PTPRT: variants seen among roughly 807,000 people sequenced by gnomAD.
PTPRT encodes protein tyrosine phosphatase receptor type T, also known as receptor-type tyrosine-protein phosphatase T.
Under a neutral mutation model 176.8 loss-of-function variants are expected in PTPRT, and 56 were observed. The observed-to-expected ratio is 0.32, with a 90% confidence interval of 0.26 to 0.40. The LOEUF (loss-of-function observed/expected upper bound fraction) is 0.40, where lower values mean the gene tolerates loss of function less well. Among genes scored for constraint, PTPRT ranks in the 10% least tolerant of loss-of-function variants. The probability of loss-of-function intolerance (pLI) is 1.00; values close to 1 mark genes in which losing one functional copy is unlikely to be tolerated. For missense variants in PTPRT, 1,540 were observed against 1,908.2 expected (o/e 0.81, Z 3.60); for synonymous variants, 783 against 739.0 (o/e 1.06, Z -0.96).
In PTPRT at chr20:42,161,330, TCC is replaced by T; in HGVS notation, c.2682+20_2682+21del. The T allele has an allele frequency of 6.2e-7, 1 of 1,613,696 alleles. No homozygotes were observed. The highest frequency in any genetic ancestry group is 8.5e-7 in the Non-Finnish European group (1 of 1,179,680). ...AAGCCTCTGAAACTATCAGGAAGTT[TCC>T]CCACAGGCTGGTCTCTTACCTCGTA... On this transcript the variant is annotated intron_variant, in intron 17 of 30. Coordinates refer to ENST00000373187, the MANE Select transcript of PTPRT (RefSeq NM_007050.6).
intron 9 of PTPRT, among the ~76,000 whole-genome samples, chr20:42,367,376 G>C (rs1414406047): frequency 6.6e-6 from 1 of 152,182 alleles, no homozygotes; most frequent in African/African-American, 2.4e-5. Flanking sequence ...GGAAACCACA[G>C]ACTCATTCAT....
intron 22 of PTPRT, among the ~76,000 whole-genome samples, chr20:42,110,896 T>C (rs2146295065): frequency 6.6e-6 from 1 of 152,336 alleles, no homozygotes. Flanking sequence ...TCCAGTGGAA[T>C]CTGAGGCGTT....
At chr20:42,545,485 C>A (rs2072658647) in intron 7 of PTPRT, among the ~76,000 whole-genome samples, 1 of 152,016 alleles carries the variant, frequency 6.6e-6, no homozygotes, top group Admixed American at 6.6e-5. Context: ...TCTTTTTTTC[C>A]CAGGTACCAT....
At chr20:42,356,211 G>A (rs1325790333) in intron 9 of PTPRT, among the ~76,000 whole-genome samples, 1 of 152,094 alleles carries the variant, frequency 6.6e-6, no homozygotes, top group Non-Finnish European at 1.5e-5. Flanking sequence ...TTATAAGCGG[G>A]GAAAACGGAA....
chr20:42,646,429 A>G (rs2074901468), intron 7 of PTPRT, among the ~76,000 whole-genome samples: 2 of 152,166 alleles, frequency 1.3e-5, no homozygotes, highest in South Asian at 4.1e-4. Flanking sequence ...TTATTGCAAC[A>G]GAGGTCGTCT....
At chr20:42,145,055 T>C (rs964961146) in intron 17 of PTPRT, among the ~76,000 whole-genome samples, 2 of 152,190 alleles carry the variant, frequency 1.3e-5, no homozygotes, top group South Asian at 2.1e-4. Context: ...TTTTCTGTAA[T>C]GGGCAAACTA....
intron 6 of PTPRT, among the ~76,000 whole-genome samples, chr20:42,711,579 T>C (rs1410243527): frequency 6.6e-6 from 1 of 152,186 alleles, no homozygotes; most frequent in African/African-American, 2.4e-5. Context: ...ATGCTTCATA[T>C]ACAGCTTACA....
intron 2 of PTPRT, among the ~76,000 whole-genome samples, chr20:42,818,050 G>A (rs775186448): frequency 5.9e-5 from 9 of 152,046 alleles, no homozygotes; most frequent in South Asian, 2.1e-4. Context: ...CCTGATCCCC[G>A]TGCCACCCAA....
intron 14 of PTPRT, among the ~76,000 whole-genome samples, chr20:42,244,315 T>A (rs937454829): frequency 6.6e-6 from 1 of 152,152 alleles, no homozygotes; most frequent in Non-Finnish European, 1.5e-5. Context: ...AATATCAGAA[T>A]AGACATTCAT....
chr20:42,924,887 G>A (rs1396146484), intron 1 of PTPRT, among the ~76,000 whole-genome samples: 1 of 152,174 alleles, frequency 6.6e-6, no homozygotes, highest in African/African-American at 2.4e-5. Flanking sequence ...AGATTCTTGG[G>A]CTGTGCTCCA....
At chr20:43,016,843 C>T (rs929023469) in intron 1 of PTPRT, among the ~76,000 whole-genome samples, 20 of 152,004 alleles carry the variant, frequency 1.3e-4, no homozygotes, top group African/African-American at 4.6e-4. Flanking sequence ...AGCCCTCTCA[C>T]TGCCTATCTC....
In PTPRT at chr20:42,367,329, C is replaced by G. The variant is rs999546364; in HGVS notation, c.1561-15044G>C. On this transcript the variant is annotated intron_variant, in intron 9 of 30. Coordinates refer to ENST00000373187, the MANE Select transcript of PTPRT (RefSeq NM_007050.6). ...TCGAGTAGGTCAGTCAGACCTGAAT[C>G]TACAACATCAGAGAGGGTGTTTGAT... 2.0e-5 allele frequency among the ~76,000 whole-genome samples: 3 copies of G among 152,180 alleles called. No homozygotes were observed. In the East Asian group the frequency reaches 5.8e-4, roughly 29 times the overall value.
At chr20:42,823,488 C>T (rs896990785) in intron 2 of PTPRT, among the ~76,000 whole-genome samples, 1 of 151,964 alleles carries the variant, frequency 6.6e-6, no homozygotes, top group Non-Finnish European at 1.5e-5. Flanking sequence ...GCATATTGTG[C>T]ACATGTATCC....
chr20:42,366,784 T>G (rs1048391672), intron 9 of PTPRT, among the ~76,000 whole-genome samples: 2 of 152,146 alleles, frequency 1.3e-5, no homozygotes, highest in Non-Finnish European at 2.9e-5. Flanking sequence ...AGGAAGCTGA[T>G]TGCGAAGGCT....
chr20:42,403,164 G>A (rs562482250), intron 9 of PTPRT, among the ~76,000 whole-genome samples: 3 of 151,844 alleles, frequency 2.0e-5, no homozygotes, highest in Admixed American at 6.6e-5. Flanking sequence ...CTAGGTATAC[G>A]ATTTTTGCAT....
At chr20:42,926,655 G>A (rs1328444309) in intron 1 of PTPRT, among the ~76,000 whole-genome samples, 3 of 152,154 alleles carry the variant, frequency 2.0e-5, no homozygotes, top group Non-Finnish European at 2.9e-5. Context: ...CATAGAGCTA[G>A]GTTAAAATCC....
chr20:42,772,977 AAGAC>A (rs2077084849), intron 4 of PTPRT, among the ~76,000 whole-genome samples: 2 of 152,194 alleles, frequency 1.3e-5, no homozygotes, highest in Admixed American at 6.5e-5. Flanking sequence ...GCGCTAGTGA[AAGAC>A]AGAAACAAAA....
intron 7 of PTPRT, among the ~76,000 whole-genome samples, chr20:42,613,910 G>C (rs141116212): frequency 8.1e-5 from 12 of 148,162 alleles, no homozygotes; most frequent in Admixed American, 3.5e-4. Flanking sequence ...AAGGGGAAAA[G>C]AAGGAAAAGG....
chr20:42,095,294 C>T (rs1471372356), intron 27 of PTPRT, among the ~76,000 whole-genome samples: 1 of 152,216 alleles, frequency 6.6e-6, no homozygotes, highest in African/African-American at 2.4e-5. Context: ...ATGTGCATGG[C>T]TCTCTGTTTC....
Sources: allele counts gnomAD v4.1 joint callset (sites outside exome capture counted in the v4.1 genomes callset), GRCh38; gene constraint gnomAD v4.1.1; transcripts MANE v1.5; gene names NCBI Gene and HGNC (gene_info 2026-07-23, HGNC 2026-07-21).